Variants in TMEM131L observed in about 807,000 individuals in gnomAD.
The protein encoded by TMEM131L is transmembrane 131 like.
In TMEM131L, 54 loss-of-function variants were observed where a neutral mutation model predicts 192.2. The ratio of observed to expected loss-of-function variants is 0.28; its 90% confidence interval spans 0.23 to 0.35. TMEM131L has a LOEUF of 0.35. Ranked by LOEUF, TMEM131L falls within the 10% of genes least tolerant of loss-of-function variation. The probability of loss-of-function intolerance (pLI) is 1.00; values close to 1 mark genes in which losing one functional copy is unlikely to be tolerated. For synonymous variants in TMEM131L, 701 were observed against 704.9 expected, an observed-to-expected ratio of 0.99 and a Z score of 0.09; for missense variants, 1,888 against 1,972.9, an observed-to-expected ratio of 0.96 and a Z score of 0.82.
chr4:153,586,406 T>C (rs537259015), intron 14 of TMEM131L, 27 bp downstream of exon 14: 3 of 1,515,530 alleles, frequency 2.0e-6, no homozygotes, highest in African/African-American at 2.9e-5. Flanking sequence ...TATATGTGTG[T>C]TACAGTTTTC....
At chr4:153,623,917 C>G (rs1733635206) in intron 29 of TMEM131L, among the ~76,000 whole-genome samples, 1 of 150,714 alleles carries the variant, frequency 6.6e-6, no homozygotes, top group Admixed American at 6.6e-5. Context: ...TTTTTTAAAT[C>G]ATCTGTTCAC....
chr4:153,568,672 T>G (rs1353397431), intron 7 of TMEM131L, among the ~76,000 whole-genome samples: 2 of 152,244 alleles, frequency 1.3e-5, no homozygotes, highest in African/African-American at 4.8e-5. Flanking sequence ...GAAAACATTA[T>G]AATAAGCTAT....
chr4:153,473,394 T>G (rs1322995612), intron 2 of TMEM131L, among the ~76,000 whole-genome samples: 5 of 152,178 alleles, frequency 3.3e-5, no homozygotes, highest in African/African-American at 1.2e-4. Context: ...TGGTGTGGGC[T>G]GCTGTGTTGG....
chr4:153,564,611 T>G (rs1729074640), intron 7 of TMEM131L, among the ~76,000 whole-genome samples: 1 of 152,212 alleles, frequency 6.6e-6, no homozygotes, highest in Admixed American at 6.5e-5. Flanking sequence ...AGAGAATTCC[T>G]AGTGATGAAA....
chr4:153,488,604 G>GATTTGCTC (rs1732536136), intron 3 of TMEM131L, among the ~76,000 whole-genome samples: 1 of 152,252 alleles, frequency 6.6e-6, no homozygotes, highest in Non-Finnish European at 1.5e-5. Context: ...GGTGGAGTGG[G>GATTTGCTC]AGCATTTGCC....
intron 3 of TMEM131L, among the ~76,000 whole-genome samples, chr4:153,505,953 T>C (rs1261076476): frequency 1.3e-5 from 2 of 152,176 alleles, no homozygotes; most frequent in African/African-American, 4.8e-5. Flanking sequence ...CTCAGATATT[T>C]CGTACCAGAT....
chr4:153,514,787 C>T (rs1734593967), intron 3 of TMEM131L, among the ~76,000 whole-genome samples: 1 of 152,006 alleles, frequency 6.6e-6, no homozygotes, highest in Non-Finnish European at 1.5e-5. Flanking sequence ...TAGAATCCCA[C>T]ATTCACATTA....
chr4:153,530,508 T>C (rs954113276), intron 3 of TMEM131L, among the ~76,000 whole-genome samples: 1 of 152,152 alleles, frequency 6.6e-6, no homozygotes, highest in Admixed American at 6.5e-5. Context: ...TAGAGACTGC[T>C]TGAAAAGAGA....
Position 153,635,616 on chromosome 4 carries a change from A to C in TMEM131L, c.4557+45A>C, listed in dbSNP as rs776967318. 38 of 1,604,740 alleles carry C rather than the reference A, an allele frequency of 2.4e-5. No individual in the cohort carries two copies. In the Admixed American group the frequency reaches 6.2e-4, roughly 26 times the overall value. On this transcript the variant is annotated intron_variant, in intron 34 of 34. Transcript: ENST00000409959. ...TGCCGTGAACCCCTGGGCAGCTCTGAATTGTTTCCACTGCTTCCTTAATCC... is the reference window on the plus strand; with the variant it reads ...TGCCGTGAACCCCTGGGCAGCTCTGCATTGTTTCCACTGCTTCCTTAATCC...
intron 2 of TMEM131L, among the ~76,000 whole-genome samples, chr4:153,469,809 C>T (rs923929942): frequency 6.6e-6 from 1 of 151,954 alleles, no homozygotes; most frequent in Non-Finnish European, 1.5e-5. Flanking sequence ...GCCTGTAATC[C>T]CAGCTGCTCG....
In TMEM131L at chr4:153,550,141, A is replaced by G. The variant is rs1334518760; in HGVS notation, c.308A>G (p.Gln103Arg). ...CCATCAGTTTTAGATTTTGGAATACAGTAAGTATCTTTTCTTTATAATTAA... is the reference window on the plus strand; with the variant it reads ...CCATCAGTTTTAGATTTTGGAATACGGTAAGTATCTTTTCTTTATAATTAA... Reference protein sequence around the residue: ...FQPSVLDFGIQFLGHPVAKIL... With the variant: ...FQPSVLDFGIRFLGHPVAKIL... Residue 103 changes from glutamine to arginine, a missense_variant and splice_region_variant, in exon 4 of 35, where the codon CAG becomes CGG. By Grantham distance (43) the Gln-to-Arg change is conservative. Coordinates refer to ENST00000409959, the MANE Select transcript of TMEM131L (RefSeq NM_001131007.2). 5 of 1,293,756 alleles carry G rather than the reference A, an allele frequency of 3.9e-6. No homozygotes were observed. The highest frequency in any genetic ancestry group is 1.5e-5 in the South Asian group (1 of 65,570). 80.1% of individuals were successfully genotyped at this position (1,293,756 alleles called of 1,614,324 possible).
rs774325702 is a variant in TMEM131L, at chr4:153,558,322, A to T, written c.614A>T (p.Tyr205Phe). 1 of 1,609,226 alleles carries T rather than the reference A, an allele frequency of 6.2e-7. No homozygotes were observed. The highest frequency in any genetic ancestry group is 8.5e-7 in the Non-Finnish European group (1 of 1,176,364). ...EGSAKQLPNA[Y>F]FLLPKVQSIQ... The stretch of plus-strand genomic sequence containing the variant: ...TCTGCAAAGCAGCTACCAAATGCTT[A>T]TTTTCTGCTTCCAAAGGTCCAGAGC... Residue 205 changes from tyrosine to phenylalanine, a missense_variant, in exon 7 of 35, where the codon TAT (tyrosine) becomes TTT (phenylalanine). Transcript: ENST00000409959.
At chr4:153,528,807 C>T (rs1041388252) in intron 3 of TMEM131L, among the ~76,000 whole-genome samples, 6 of 152,096 alleles carry the variant, frequency 3.9e-5, no homozygotes, top group East Asian at 1.9e-4. Context: ...ACCCCTCCCT[C>T]GGAGAGTGTG....
In TMEM131L at chr4:153,632,811, T is replaced by G; in HGVS notation, c.4301T>G (p.Ile1434Ser). The change falls in exon 32 of 35, where the codon ATT becomes AGT. Residue 1434 changes from isoleucine to serine, a missense_variant. Ile to Ser is a moderately radical substitution (Grantham distance 142). Coordinates refer to ENST00000409959, the MANE Select transcript of TMEM131L (RefSeq NM_001131007.2). The part of the protein sequence containing the change: ...CTLENGVPCV[I>S]QESAPVHNSF... ...CTGGAGAACGGCGTGCCTTGTGTGATTCAGGAGTCGGCCCCGGTTCATAAT... is the reference window on the plus strand; with the variant it reads ...CTGGAGAACGGCGTGCCTTGTGTGAGTCAGGAGTCGGCCCCGGTTCATAAT... 1 of 1,614,144 alleles carries G rather than the reference T, an allele frequency of 6.2e-7. No individual in the cohort carries two copies. Among genetic ancestry groups the G allele is most frequent in the South Asian group, 1.1e-5 (1 of 91,078 alleles).
chr4:153,582,423 T>C (rs1233081986), intron 9 of TMEM131L, among the ~76,000 whole-genome samples: 28 of 130,584 alleles, frequency 2.1e-4, no homozygotes, highest in African/African-American at 1.1e-3. Flanking sequence ...TTAAACCGTT[T>C]TTTTTTGTTG....
At chr4:153,607,807 A>G (rs1046826739) in intron 25 of TMEM131L, among the ~76,000 whole-genome samples, 2 of 152,364 alleles carry the variant, frequency 1.3e-5, no homozygotes, top group Non-Finnish European at 2.9e-5. Flanking sequence ...CTTGCCATCA[A>G]GAAACATAAT....
At chr4:153,550,228 AT>A in intron 4 of TMEM131L, 87 bp downstream of exon 4, 1 of 540,488 alleles carries the variant, frequency 1.9e-6, no homozygotes, top group African/African-American at 2.0e-5. Context: ...ACAATGTTAA[AT>A]TTTAGGTATA....
intron 7 of TMEM131L, among the ~76,000 whole-genome samples, chr4:153,578,645 C>T (rs372647336): frequency 8.6e-4 from 131 of 152,060 alleles, no homozygotes; most frequent in African/African-American, 3.0e-3. Context: ...CTCAGCCTCC[C>T]GAGTAGCTGG....
At chr4:153,545,749 C>T (rs779033479) in intron 3 of TMEM131L, among the ~76,000 whole-genome samples, 20 of 152,136 alleles carry the variant, frequency 1.3e-4, no homozygotes, top group Non-Finnish European at 2.1e-4. Context: ...TCTACAGGTC[C>T]TGCTGCTGAG....
Sources: gnomAD v4.1 joint callset for allele counts (sites outside exome capture counted in the v4.1 genomes callset) on GRCh38, gnomAD v4.1.1 for gene constraint, MANE v1.5 for transcripts, NCBI Gene and HGNC (gene_info 2026-07-23, HGNC 2026-07-21) for gene names.